MATK: variants seen among roughly 807,000 people sequenced by gnomAD.
The protein encoded by MATK is megakaryocyte-associated tyrosine kinase, also known as megakaryocyte-associated tyrosine-protein kinase.
Under a neutral mutation model 59.8 loss-of-function variants are expected in MATK, and 41 were observed. The observed-to-expected ratio is 0.69, with a 90% CI of 0.53 to 0.89. The LOEUF is 0.89. Ranked by LOEUF, MATK falls within the 40% of genes least tolerant of loss-of-function variation. MATK has a pLI of 0.00. For missense variants in MATK, 593 were observed against 719.6 expected (o/e 0.82, Z 2.01); for synonymous variants, 308 against 306.1 (o/e 1.01, Z -0.06).
intron 1 of MATK, 87 bp from the exon 2 acceptor site, chr19:3,785,373 G>A: frequency 2.2e-6 from 2 of 914,350 alleles, no homozygotes; most frequent in Non-Finnish European, 3.2e-6. Context: ...GGAGCTGGGG[G>A]CAGGGGCGGG....
At chr19:3,779,835 C>T (rs775122778) in intron 8 of MATK, 38 bp from the exon 9 acceptor site, 1 of 1,265,712 alleles carries the variant, frequency 7.9e-7, no homozygotes, top group South Asian at 1.2e-5. Flanking sequence ...GAGATCAGGA[C>T]CCCCAACAAA....
chr19:3,795,812 A>T (rs2037588986), intron 1 of MATK, among the ~76,000 whole-genome samples: 1 of 115,746 alleles, frequency 8.6e-6, no homozygotes, highest in Non-Finnish European at 1.6e-5. Context: ...TCCAGGCTGG[A>T]GTGCAGAGGC....
intron 6 of MATK, 61 bp from the exon 7 acceptor site, chr19:3,783,280 T>C (rs1248396818): frequency 8.0e-6 from 5 of 622,750 alleles, no homozygotes; most frequent in East Asian, 6.7e-5. Context: ...AGCATCCTGT[T>C]CCGTTCCCGG....
At chr19:3,797,908 G>A (rs544845526) in intron 1 of MATK, among the ~76,000 whole-genome samples, 2 of 152,042 alleles carry the variant, frequency 1.3e-5, no homozygotes, top group Non-Finnish European at 2.9e-5. Flanking sequence ...CGGGCATGGT[G>A]GCTCATGCCT....
chr19:3,800,886 A>G (rs898281136), intron 1 of MATK, among the ~76,000 whole-genome samples: 3 of 152,092 alleles, frequency 2.0e-5, no homozygotes, highest in Non-Finnish European at 4.4e-5. Context: ...TTTGAGACAG[A>G]GTGTCGCTCT....
chr19:3,783,406 G>A lies in MATK; in HGVS notation c.583-187C>T. On this transcript the variant is annotated intron_variant, in intron 6 of 13. Transcript: ENST00000310132. Reference sequence around the variant, plus strand: ...GAGTCCTCTGGATTGGTATCAACTTGGGGGGTCCTGGGGGGTCCCCAGAGG... The same window carrying A: ...GAGTCCTCTGGATTGGTATCAACTTAGGGGGTCCTGGGGGGTCCCCAGAGG... 2.5e-5 allele frequency: 15 copies of A among 610,098 alleles called. No homozygotes were observed. In the South Asian group the frequency reaches 2.7e-4, roughly 11 times the overall value. 37.8% of individuals were successfully genotyped at this position (610,098 alleles called of 1,614,324 possible).
intron 8 of MATK, among the ~76,000 whole-genome samples, chr19:3,780,124 T>C (rs1017756071): frequency 1.3e-4 from 19 of 151,760 alleles, no homozygotes; most frequent in Non-Finnish European, 2.4e-4. Context: ...CTAATGAAAA[T>C]ACAAAACTAG....
At position 3,778,219 on chromosome 19, in the gene MATK, G is replaced by T. The variant is rs373868622; in HGVS notation, c.1488C>A (p.Ala496=). ...GAPASVSGQD[A]DGSTSPRSQE... is the part of the protein sequence containing the mutation. Reference sequence around the variant, plus strand: ...GGCTTCGGGGCGAGGTGGAGCCGTCGGCGTCCTGCCCTGAGACGGAGGCTG... The same window carrying T: ...GGCTTCGGGGCGAGGTGGAGCCGTCTGCGTCCTGCCCTGAGACGGAGGCTG... Residue 496 remains alanine, a synonymous_variant, in exon 14 of 14, where the codon GCC becomes GCA. Coordinates refer to ENST00000310132, the MANE Select transcript of MATK (RefSeq NM_139355.3). The T allele has an allele frequency of 1.3e-6, 2 of 1,571,588 alleles. No individual in the cohort carries two copies. Among genetic ancestry groups the T allele is most frequent in the Non-Finnish European group, 1.7e-6 (2 of 1,168,816 alleles).
intron 1 of MATK, among the ~76,000 whole-genome samples, chr19:3,799,613 G>A (rs2037625172): frequency 6.6e-6 from 1 of 152,104 alleles, no homozygotes; most frequent in African/African-American, 2.4e-5. Flanking sequence ...GCTGAGGCAG[G>A]TGGATCACCT....
intron 1 of MATK, among the ~76,000 whole-genome samples, chr19:3,793,793 T>C (rs1192444634): frequency 6.6e-6 from 1 of 152,018 alleles, no homozygotes; most frequent in Non-Finnish European, 1.5e-5. Context: ...CACTTAAACC[T>C]GGGAGGTGGA....
chr19:3,786,588 G>A (rs1381126800), upstream of MATK, among the ~76,000 whole-genome samples: 8 of 145,508 alleles, frequency 5.5e-5, no homozygotes, highest in African/African-American at 7.4e-5. The surrounding 1 kb of genome is among the most constrained non-coding windows in gnomAD (Gnocchi z 4.1). Flanking sequence ...GCCAGTGCGC[G>A]CGGCGGGGAC....
Position 3,785,236 on chromosome 19 carries a change from A to T in MATK, c.-101T>A. On this transcript the variant is annotated 5_prime_UTR_variant, in exon 2 of 14. Transcript: ENST00000310132. ...CTGCCACAGGCCAGTCGGCTGGCAC[A>T]GGAGGTAGGGAGCTGGGTGCCACTG... The T allele has an allele frequency of 6.9e-6, 11 of 1,584,902 alleles. No individual in the cohort carries two copies. The highest frequency in any genetic ancestry group is 8.6e-6 in the Non-Finnish European group (10 of 1,168,378).
At chr19:3,795,513 C>T (rs1162242006) in intron 1 of MATK, among the ~76,000 whole-genome samples, 1 of 151,256 alleles carries the variant, frequency 6.6e-6, no homozygotes, top group East Asian at 2.0e-4. Flanking sequence ...GATGATCTGC[C>T]CACTTTGGCC....
intron 11 of MATK, 30 bp from the exon 12 acceptor site, chr19:3,779,217 A>T: frequency 6.4e-7 from 1 of 1,554,554 alleles, no homozygotes; most frequent in Middle Eastern, 1.7e-4. Flanking sequence ...GTGGGGGCTC[A>T]GGTGCCAGGA....
At chr19:3,783,582 T>TG (rs1342362424) in intron 6 of MATK, among the ~76,000 whole-genome samples, 9 of 151,884 alleles carry the variant, frequency 5.9e-5, no homozygotes, top group Admixed American at 3.3e-4. Flanking sequence ...GATGGGGGCC[T>TG]GGGGGTGCCT....
At chr19:3,781,420 C>G (rs1039493627) in intron 8 of MATK, among the ~76,000 whole-genome samples, 187 bp downstream of exon 8, 1 of 152,196 alleles carries the variant, frequency 6.6e-6, no homozygotes, top group African/African-American at 2.4e-5. Flanking sequence ...AGTTCACTTA[C>G]TCCTCATGAC....
chr19:3,788,100 ATATTATATTATATTATATT>A (rs1568409369), upstream of MATK, among the ~76,000 whole-genome samples: 5 of 74,900 alleles, frequency 6.7e-5, no homozygotes, highest in East Asian at 9.3e-4. Context: ...ATTAATATTT[ATATTATATTATATTATATT>A]ATATTATATT....
chr19:3,787,208 C>T (rs772757690), upstream of MATK, among the ~76,000 whole-genome samples: 5 of 152,160 alleles, frequency 3.3e-5, no homozygotes, highest in South Asian at 2.1e-4. Flanking sequence ...TCATAGCTCA[C>T]TACAGCCTTG....
chr19:3,797,893 T>C (rs547171917), intron 1 of MATK, among the ~76,000 whole-genome samples: 2 of 151,938 alleles, frequency 1.3e-5, no homozygotes, highest in South Asian at 4.2e-4. Context: ...TATACAAAAA[T>C]TAGCCGGGCA....
Sources: allele counts gnomAD v4.1 joint callset (sites outside exome capture counted in the v4.1 genomes callset), GRCh38; gene constraint gnomAD v4.1.1; non-coding constraint Gnocchi (gnomAD v3.1); transcripts MANE v1.5; gene names NCBI Gene and HGNC (gene_info 2026-07-23, HGNC 2026-07-21).